CFAP54: variants seen among roughly 807,000 people sequenced by gnomAD.
CFAP54 encodes cilia- and flagella-associated protein 54.
A neutral mutation model predicts 370.4 loss-of-function variants in CFAP54; 290 were observed. The observed-to-expected ratio is 0.78, with a 90% CI of 0.71 to 0.86. The LOEUF (loss-of-function observed/expected upper bound fraction) is 0.86, where lower values mean the gene tolerates loss of function less well. Ranked by LOEUF, CFAP54 falls within the 40% of genes least tolerant of loss-of-function variation. CFAP54 has a pLI of 0.00. For synonymous variants in CFAP54, 1,206 were observed against 1,236.5 expected (o/e 0.98, Z 0.52); for missense variants, 3,399 against 3,528.7 (o/e 0.96, Z 0.93).
In CFAP54 at chr12:96,684,950, A is replaced by G; in HGVS notation, c.5805-79A>G. ...ATGTTAATTGACGTTGCTTCGGTGT[A>G]TTTGCTTTCCCTTCTGGAAGATAGA... On this transcript the variant is annotated intron_variant, in intron 41 of 67. Transcript: ENST00000524981. The G allele has an allele frequency of 2.9e-6, 4 of 1,390,126 alleles. No homozygotes were observed. The South Asian group carries it at 3.7e-5, about 13-fold the overall frequency. The allele number at this position is 1,390,126 out of a possible 1,614,324, so 86.1% of individuals were successfully genotyped here.
At position 96,651,671 on chromosome 12, in the gene CFAP54, AC is replaced by A; in HGVS notation, c.4957del (p.Leu1653PhefsTer38). The A allele has an allele frequency of 6.2e-7, 1 of 1,614,122 alleles. No homozygotes were observed. The highest frequency in any genetic ancestry group is 8.5e-7 in the Non-Finnish European group (1 of 1,179,994). ...GGAACTTTACTCAGGAACTACAAAT[AC>A]TTCTTAAACAGGCAGTGGATCTTGA... The part of the protein sequence containing the change: ...LWNFTQELQI[L>X]LKQAVDLDKT... On this transcript the variant is annotated frameshift_variant, in exon 36 of 68. Coordinates refer to ENST00000524981, the MANE Select transcript of CFAP54 (RefSeq NM_001306084.2). LOFTEE classifies it high-confidence loss of function.
chr12:96,738,855 C>T (rs1425532820), intron 50 of CFAP54, among the ~76,000 whole-genome samples: 1 of 152,172 alleles, frequency 6.6e-6, no homozygotes, highest in Non-Finnish European at 1.5e-5. Flanking sequence ...CGTGATCTGC[C>T]TACCTCAGCC....
chr12:96,779,248 G>A (rs941481959), intron 60 of CFAP54, among the ~76,000 whole-genome samples: 1 of 151,990 alleles, frequency 6.6e-6, no homozygotes, highest in African/African-American at 2.4e-5. Flanking sequence ...TTCCCTTCTG[G>A]CCCCTAGCAA....
At chr12:96,502,121 T>C (rs1485888921) in intron 2 of CFAP54, among the ~76,000 whole-genome samples, 4 of 151,528 alleles carry the variant, frequency 2.6e-5, no homozygotes, top group Non-Finnish European at 5.9e-5. Flanking sequence ...AGGAGAGAGG[T>C]GTATGTTAGA....
At chr12:96,616,041 C>T (rs1181536944) in intron 26 of CFAP54, among the ~76,000 whole-genome samples, 3 of 152,178 alleles carry the variant, frequency 2.0e-5, no homozygotes, top group African/African-American at 4.8e-5. Context: ...ATAAATCATG[C>T]TGCTATAAAG....
chr12:96,696,376 C>A (rs1411529716), intron 45 of CFAP54, among the ~76,000 whole-genome samples: 1 of 152,136 alleles, frequency 6.6e-6, no homozygotes, highest in Non-Finnish European at 1.5e-5. Flanking sequence ...ACAGTCTGGT[C>A]TGTCCTTAAG....
intron 67 of CFAP54, among the ~76,000 whole-genome samples, chr12:96,866,530 C>T (rs1223389584): frequency 9.2e-5 from 14 of 152,102 alleles, no homozygotes; most frequent in Admixed American, 7.2e-4. Context: ...AGGTCTAAAA[C>T]CAGATTCTGC....
chr12:96,621,189 A>AT (rs1956483171), intron 26 of CFAP54, among the ~76,000 whole-genome samples: 1 of 152,236 alleles, frequency 6.6e-6, no homozygotes, highest in African/African-American at 2.4e-5. Flanking sequence ...GTCGGTAGTT[A>AT]TGCCATTTCC....
intron 14 of CFAP54, among the ~76,000 whole-genome samples, chr12:96,546,803 T>TGGTCAA (rs141717821): frequency 0.12 from 18,592 of 149,790 alleles, 1,206 homozygotes; most frequent in Middle Eastern, 0.18. Flanking sequence ...CCCTCTAGCC[T>TGGTCAA]GGTCAACAGT....
chr12:96,829,010 C>G lies in CFAP54; in HGVS notation c.9097-4C>G. On this transcript the variant is annotated splice_region_variant and splice_polypyrimidine_tract_variant and intron_variant, in intron 65 of 67. Coordinates refer to ENST00000524981, the MANE Select transcript of CFAP54 (RefSeq NM_001306084.2). ...TCACTGTATTACTATCTTCTTATTTCTAGGACATGATTATTCAATGTTGCT... is the reference window on the plus strand; with the variant it reads ...TCACTGTATTACTATCTTCTTATTTGTAGGACATGATTATTCAATGTTGCT... The G allele has an allele frequency of 5.4e-6, 8 of 1,472,934 alleles. No individual in the cohort carries two copies. The highest frequency in any genetic ancestry group is 7.3e-6 in the Non-Finnish European group (8 of 1,093,308). The allele number at this position is 1,472,934 out of a possible 1,614,324, so 91.2% of individuals were successfully genotyped here.
intron 26 of CFAP54, among the ~76,000 whole-genome samples, chr12:96,618,482 C>T (rs538069574): frequency 1.8e-4 from 27 of 152,194 alleles, no homozygotes; most frequent in Admixed American, 1.4e-3. Context: ...TAGTTACAGA[C>T]GTGTGATGAT....
Position 96,591,885 on chromosome 12 carries a change from C to T in CFAP54, c.3213-605C>T, listed in dbSNP as rs1321375586. On this transcript the variant is annotated intron_variant, in intron 23 of 67. Transcript: ENST00000524981. Reference sequence around the variant, plus strand: ...CAGCCTGGGCGACAGAGCGAAACTCCGTCTCAAAAAAAAAAAAAAGAAATA... The same window carrying T: ...CAGCCTGGGCGACAGAGCGAAACTCTGTCTCAAAAAAAAAAAAAAGAAATA... Among the ~76,000 whole-genome samples the T allele has an allele frequency of 8.3e-5, 12 of 143,894 alleles. No homozygotes were observed. The South Asian group carries it at 1.8e-3, about 21-fold the overall frequency. 94.4% of individuals were successfully genotyped at this position (143,894 alleles called of 152,430 possible). A position where few individuals can be genotyped will look rare whatever the true frequency, so the allele number is the denominator to read the frequency against.
chr12:96,555,285 G>A (rs114195197), intron 17 of CFAP54, among the ~76,000 whole-genome samples: 2 of 152,052 alleles, frequency 1.3e-5, no homozygotes, highest in South Asian at 2.1e-4. Context: ...TGGCAGGGGC[G>A]TGTAAAGCAT....
chr12:96,791,030 G>T (rs906163968), intron 62 of CFAP54, among the ~76,000 whole-genome samples: 1 of 152,120 alleles, frequency 6.6e-6, no homozygotes, highest in Non-Finnish European at 1.5e-5. Context: ...ATTTCTTTCT[G>T]GCCACTGACA....
In CFAP54 at chr12:96,743,901, A is replaced by T. The variant is rs767745184; in HGVS notation, c.7548A>T (p.Leu2516=). The T allele has an allele frequency of 1.2e-6, 2 of 1,612,504 alleles. No homozygotes were observed. The highest frequency in any genetic ancestry group is 3.3e-5 in the Admixed American group (2 of 59,702). ...TGTTAACTCGGGCTCATAGCATTCT[A>T]ACTGAACAGGTGAGAATGCTTTTGT... The part of the protein sequence containing the change: ...LNLLTRAHSI[L]TEQMLAFGET... Residue 2516 remains leucine (L), a synonymous_variant, in exon 54 of 68, where the codon CTA becomes CTT. Transcript: ENST00000524981.
chr12:96,720,203 G>A (rs895427195), intron 49 of CFAP54, among the ~76,000 whole-genome samples: 1 of 152,202 alleles, frequency 6.6e-6, no homozygotes, highest in Non-Finnish European at 1.5e-5. Flanking sequence ...GCATGCTGAC[G>A]CTTGCTTTCA....
intron 9 of CFAP54, among the ~76,000 whole-genome samples, chr12:96,531,139 T>C (rs918736758): frequency 2.0e-5 from 3 of 152,164 alleles, no homozygotes; most frequent in Non-Finnish European, 4.4e-5. Flanking sequence ...TACTTCCCAT[T>C]TTTCATTGCT....
chr12:96,685,355 C>A, intron 42 of CFAP54, 117 bp downstream of exon 42: 2 of 800,748 alleles, frequency 2.5e-6, no homozygotes, highest in South Asian at 1.6e-5. Context: ...AGGTTATGTC[C>A]ATATCATACA....
intron 67 of CFAP54, among the ~76,000 whole-genome samples, chr12:96,869,526 T>C (rs1429993758): frequency 6.6e-6 from 1 of 152,204 alleles, no homozygotes; most frequent in African/African-American, 2.4e-5. Flanking sequence ...GCTGAGTCGA[T>C]ATGGGAATAC....
Sources: gnomAD v4.1 joint callset for allele counts (sites outside exome capture counted in the v4.1 genomes callset) on GRCh38, gnomAD v4.1.1 for gene constraint, MANE v1.5 for transcripts, NCBI Gene and HGNC (gene_info 2026-07-23, HGNC 2026-07-21) for gene names.